The following DOCK4 variants were observed in gnomAD, a reference collection of about 807,000 sequenced individuals.
The protein encoded by DOCK4 is dedicator of cytokinesis protein 4.
Under a neutral mutation model 268.1 loss-of-function variants are expected in DOCK4, and 97 were observed. The ratio of observed to expected loss-of-function variants is 0.36; its 90% CI spans 0.31 to 0.43. The LOEUF (loss-of-function observed/expected upper bound fraction) is 0.43, where lower values mean the gene tolerates loss of function less well. DOCK4 is among the 20% of genes least tolerant of loss of function. DOCK4 has a pLI of 1.00. For synonymous variants in DOCK4, 954 were observed against 887.2 expected (o/e 1.08, Z -1.34); for missense variants, 2,145 against 2,455.7 (o/e 0.87, Z 2.67).
At chr7:112,014,677 T>C (rs1801656328) in intron 1 of DOCK4, among the ~76,000 whole-genome samples, 1 of 152,186 alleles carries the variant, frequency 6.6e-6, no homozygotes, top group South Asian at 2.1e-4. Context: ...TATTCTTATG[T>C]GGAAAAAAAT....
chr7:111,892,706 T>G (rs1226744226), intron 16 of DOCK4, among the ~76,000 whole-genome samples: 1 of 152,202 alleles, frequency 6.6e-6, no homozygotes, highest in Non-Finnish European at 1.5e-5. Flanking sequence ...CGCACAATGA[T>G]CAGCAGGCTG....
At chr7:112,086,424 C>T (rs1273703032) in intron 1 of DOCK4, among the ~76,000 whole-genome samples, 2 of 152,022 alleles carry the variant, frequency 1.3e-5, no homozygotes, top group Non-Finnish European at 2.9e-5. Flanking sequence ...GTTTTCTTAA[C>T]AGGAGAGTCA....
intron 47 of DOCK4, chr7:111,739,844 T>C (rs1425814381): frequency 3.0e-6 from 1 of 328,762 alleles, no homozygotes; most frequent in Non-Finnish European, 5.9e-6. Flanking sequence ...TACAAGTATG[T>C]TCAAAGCATG....
At position 111,728,668 on chromosome 7, in the gene DOCK4, A is replaced by G; in HGVS notation, c.5534T>C (p.Leu1845Pro). Residue 1845 changes from leucine to proline, a missense_variant, in exon 53 of 53, where the codon CTC (leucine) becomes CCC (proline). By Grantham distance (98) the Leu-to-Pro change is moderately conservative. Transcript: ENST00000428084. The stretch of plus-strand genomic sequence containing the variant: ...CGACAAGACAGGGGAGTTGGAGATG[A>G]GTCCTGGCGAGTGGTACTCCACTGG... ...PSPVEYHSPG[L>P]ISNSPVLSGS... is the part of the protein sequence containing the mutation. The G allele has an allele frequency of 6.2e-7, 1 of 1,613,916 alleles. No homozygotes were observed. Among genetic ancestry groups the G allele is most frequent in the Non-Finnish European group, 8.5e-7 (1 of 1,179,866 alleles).
chr7:112,071,624 C>T (rs376876301), intron 1 of DOCK4, among the ~76,000 whole-genome samples: 21 of 152,190 alleles, frequency 1.4e-4, no homozygotes, highest in Admixed American at 1.1e-3. Context: ...AAAGTATTTA[C>T]GTATTCAGAG....
At chr7:112,109,249 C>A (rs961983201) in intron 1 of DOCK4, among the ~76,000 whole-genome samples, 1 of 152,022 alleles carries the variant, frequency 6.6e-6, no homozygotes, top group African/African-American at 2.4e-5. Flanking sequence ...TATTTCCCCA[C>A]GCAAAACAAA....
intron 10 of DOCK4, among the ~76,000 whole-genome samples, chr7:111,940,730 C>G (rs1795139713): frequency 6.6e-6 from 1 of 152,188 alleles, no homozygotes; most frequent in Non-Finnish European, 1.5e-5. Context: ...AGCTCTCAGG[C>G]TGTTCAGAAC....
intron 12 of DOCK4, among the ~76,000 whole-genome samples, chr7:111,920,679 AC>A (rs1170858557): frequency 6.6e-6 from 1 of 152,190 alleles, no homozygotes; most frequent in Non-Finnish European, 1.5e-5. Flanking sequence ...AGCAGCAGTA[AC>A]TTATGGCTTG....
intron 1 of DOCK4, among the ~76,000 whole-genome samples, chr7:112,021,506 C>A (rs985468657): frequency 3.3e-5 from 5 of 152,184 alleles, no homozygotes; most frequent in Non-Finnish European, 5.9e-5. Flanking sequence ...ATTCCTGAGG[C>A]CACTTACAGT....
intron 1 of DOCK4, among the ~76,000 whole-genome samples, chr7:112,112,573 G>A (rs1289390276): frequency 6.6e-6 from 1 of 152,072 alleles, no homozygotes; most frequent in East Asian, 1.9e-4. Context: ...GAACCCAGGA[G>A]GTGAAGGTTG....
chr7:111,863,465 G>A lies in DOCK4; in HGVS notation c.2380C>T (p.Leu794=), dbSNP rs1168247085. The change falls in exon 23 of 53, where the codon CTG becomes TTG. Residue 794 remains leucine (L), a synonymous_variant. Coordinates refer to ENST00000428084, the MANE Select transcript of DOCK4 (RefSeq NM_001363540.2). The part of the protein sequence containing the change: ...ANLVQDTLGS[L]PTILHVDDSL... ...TCATCCACATGCAGGATGGTCGGCA[G>A]ACTGCCCAGGGTGTCCTGGACCAAG... 2 of 1,614,030 alleles carry A rather than the reference G, an allele frequency of 1.2e-6. No homozygotes were observed. Among genetic ancestry groups the A allele is most frequent in the Admixed American group, 3.3e-5 (2 of 60,024 alleles).
intron 42 of DOCK4, among the ~76,000 whole-genome samples, chr7:111,752,427 T>C (rs1410664366): frequency 1.3e-5 from 2 of 152,218 alleles, no homozygotes; most frequent in African/African-American, 2.4e-5. Context: ...ATTCTGGGTA[T>C]ACAGTATTTA....
intron 16 of DOCK4, among the ~76,000 whole-genome samples, chr7:111,880,241 C>A (rs1049956492): frequency 6.6e-6 from 1 of 152,090 alleles, no homozygotes; most frequent in Admixed American, 6.6e-5. Flanking sequence ...GCAGACTATT[C>A]GGTGGAAATC....
At chr7:111,938,380 T>A (rs925079207) in intron 11 of DOCK4, among the ~76,000 whole-genome samples, 1 of 152,208 alleles carries the variant, frequency 6.6e-6, no homozygotes, top group Non-Finnish European at 1.5e-5. Flanking sequence ...CCATCACCTA[T>A]GAAAAATCTA....
At chr7:111,916,052 T>C in intron 12 of DOCK4, 148 bp from the exon 13 acceptor site, 1 of 841,616 alleles carries the variant, frequency 1.2e-6, no homozygotes, top group Non-Finnish European at 1.8e-6. Flanking sequence ...TCTATATGAA[T>C]CATATCTGAA....
At chr7:111,744,462 G>A (rs900549165) in intron 44 of DOCK4, among the ~76,000 whole-genome samples, 1 of 152,206 alleles carries the variant, frequency 6.6e-6, no homozygotes, top group Admixed American at 6.5e-5. Context: ...TTATAACAGA[G>A]ATCTCACATT....
At chr7:111,880,866 C>T (rs1807321952) in intron 16 of DOCK4, among the ~76,000 whole-genome samples, 1 of 134,874 alleles carries the variant, frequency 7.4e-6, no homozygotes, top group Admixed American at 7.0e-5. Context: ...ACTGGATATC[C>T]ATATGCAGAA....
intron 1 of DOCK4, among the ~76,000 whole-genome samples, chr7:112,045,177 C>T (rs1804728945): frequency 1.3e-5 from 2 of 152,142 alleles, no homozygotes; most frequent in Admixed American, 6.6e-5. Context: ...TCTTCAGTCA[C>T]AGCAGGCACA....
Position 112,133,350 on chromosome 7 carries a change from A to T in DOCK4, c.37+72752T>A, listed in dbSNP as rs573023010. Among the ~76,000 whole-genome samples the T allele has an allele frequency of 3.9e-5, 6 of 152,344 alleles. No individual in the cohort carries two copies. The East Asian group carries it at 9.6e-4, about 24-fold the overall frequency. On this transcript the variant is annotated intron_variant, in intron 1 of 52. Coordinates refer to ENST00000428084, the MANE Select transcript of DOCK4 (RefSeq NM_001363540.2). ...ATGTTCTTATTATGAGCTTTTTCAT[A>T]TAAATGAGCACACTTTCCTGCTTAA...
Sources: allele counts gnomAD v4.1 joint callset (sites outside exome capture counted in the v4.1 genomes callset), GRCh38; gene constraint gnomAD v4.1.1; transcripts MANE v1.5; gene names NCBI Gene and HGNC (gene_info 2026-07-23, HGNC 2026-07-21).